Variants in CCDC181 observed in about 807,000 individuals in gnomAD.
CCDC181 encodes the protein coiled-coil domain containing 181.
A neutral mutation model predicts 58.7 loss-of-function variants in CCDC181; 35 were observed. That is an observed-to-expected ratio of 0.60 (90% confidence interval 0.46 to 0.79). CCDC181 has a LOEUF of 0.79. CCDC181 is among the 30% of genes least tolerant of loss of function. The probability of loss-of-function intolerance (pLI) is 0.00; values close to 1 mark genes in which losing one functional copy is unlikely to be tolerated. For synonymous variants in CCDC181, 183 were observed against 197.5 expected, an observed-to-expected ratio of 0.93 and a Z score of 0.62; for missense variants, 517 against 583.9, an observed-to-expected ratio of 0.89 and a Z score of 1.18.
intron 4 of CCDC181, among the ~76,000 whole-genome samples, chr1:169,414,755 CTA>C (rs1428681470): frequency 2.6e-5 from 4 of 152,184 alleles, no homozygotes; most frequent in Non-Finnish European, 5.9e-5. Flanking sequence ...TTTCTGGAAA[CTA>C]TGACTCACAT....
chr1:169,440,148 A>G (rs1386815148), intron 2 of CCDC181, among the ~76,000 whole-genome samples: 1 of 152,024 alleles, frequency 6.6e-6, no homozygotes, highest in East Asian at 1.9e-4. Context: ...TCTACCCGCT[A>G]TTTCCTTGCC....
chr1:169,445,911 A>T (rs1571515214), intron 2 of CCDC181, among the ~76,000 whole-genome samples: 1 of 152,150 alleles, frequency 6.6e-6, no homozygotes, highest in African/African-American at 2.4e-5. Flanking sequence ...CTTCTTTATT[A>T]TCCTAAAACA....
chr1:169,410,570 T>G (rs1385369879), intron 4 of CCDC181, among the ~76,000 whole-genome samples: 1 of 152,062 alleles, frequency 6.6e-6, no homozygotes, highest in African/African-American at 2.4e-5. Context: ...ACTCTCCACC[T>G]TAAATCAATA....
intron 2 of CCDC181, among the ~76,000 whole-genome samples, chr1:169,445,167 G>A (rs1185806085): frequency 6.6e-6 from 1 of 152,032 alleles, no homozygotes; most frequent in Non-Finnish European, 1.5e-5. Flanking sequence ...TTCATAGCTG[G>A]CTCCTTCCTA....
At chr1:169,424,635 C>T (rs1409425668) in intron 2 of CCDC181, among the ~76,000 whole-genome samples, 176 bp downstream of exon 2, 1 of 151,824 alleles carries the variant, frequency 6.6e-6, no homozygotes, top group African/African-American at 2.4e-5. Context: ...TAGGATACAA[C>T]ATTTAAGCAA....
At chr1:169,410,967 C>T (rs767444412) in intron 4 of CCDC181, among the ~76,000 whole-genome samples, 16 of 152,016 alleles carry the variant, frequency 1.1e-4, no homozygotes, top group Non-Finnish European at 1.5e-4. Flanking sequence ...ATTTTAACAT[C>T]GCAATTAAAA....
intron 2 of CCDC181, among the ~76,000 whole-genome samples, chr1:169,448,985 T>C (rs1160195099): frequency 6.6e-6 from 1 of 152,176 alleles, no homozygotes; most frequent in Non-Finnish European, 1.5e-5. Flanking sequence ...TTTAAGATAG[T>C]GTCTCTGATT....
chr1:169,401,552 C>T lies in CCDC181; in HGVS notation c.1216-4161G>A, dbSNP rs536100620. 1.1e-3 allele frequency among the ~76,000 whole-genome samples: 167 copies of T among 152,286 alleles called. 6 individuals carry two copies. Among genetic ancestry groups the T allele is most frequent in the Middle Eastern group, 6.8e-3 (2 of 294 alleles). On this transcript the variant is annotated intron_variant, in intron 4 of 5. Coordinates refer to ENST00000367806, the MANE Select transcript of CCDC181 (RefSeq NM_001300969.2). ...CAAGCAAACCAGGGTCTGGAGTGGA[C>T]CTCCAGCAAACTCCAATAGACCCAC... is the stretch of plus-strand genomic sequence containing the variant.
chr1:169,430,039 CA>C (rs1281934084), upstream of CCDC181, among the ~76,000 whole-genome samples: 1 of 152,104 alleles, frequency 6.6e-6, no homozygotes, highest in African/African-American at 2.4e-5. Context: ...CCAATTATCC[CA>C]GCACCATTTG....
At chr1:169,412,087 T>C (rs921263960) in intron 4 of CCDC181, among the ~76,000 whole-genome samples, 3 of 152,200 alleles carry the variant, frequency 2.0e-5, no homozygotes, top group African/African-American at 7.2e-5. Flanking sequence ...GGAAGTCAAA[T>C]TGTCTCTGTT....
At chr1:169,398,898 TAGAA>T (rs1016687959) in intron 4 of CCDC181, among the ~76,000 whole-genome samples, 3 of 152,074 alleles carry the variant, frequency 2.0e-5, no homozygotes, top group Non-Finnish European at 4.4e-5. Context: ...GGTATTTAAA[TAGAA>T]AGGGAGGAAG....
chr1:169,408,542 T>C (rs1655797252), intron 4 of CCDC181, among the ~76,000 whole-genome samples: 2 of 152,196 alleles, frequency 1.3e-5, no homozygotes. Context: ...GTGCTTGAGC[T>C]CTGCTAAGGG....
intron 2 of CCDC181, among the ~76,000 whole-genome samples, chr1:169,453,850 A>G (rs1001031312): frequency 6.6e-6 from 1 of 152,016 alleles, no homozygotes; most frequent in East Asian, 1.9e-4. Context: ...CAATAGTTTC[A>G]AGTCTATTAA....
intron 4 of CCDC181, among the ~76,000 whole-genome samples, chr1:169,408,304 C>T (rs375454992): frequency 6.6e-6 from 1 of 152,190 alleles, no homozygotes; most frequent in African/African-American, 2.4e-5. Context: ...TGGAACTGGG[C>T]AGAGCCCACC....
chr1:169,406,093 C>G (rs918589238), intron 4 of CCDC181, among the ~76,000 whole-genome samples: 4 of 152,094 alleles, frequency 2.6e-5, no homozygotes, highest in African/African-American at 9.7e-5. Context: ...AAAACCACAA[C>G]AAGATACCAT....
intron 5 of CCDC181, chr1:169,395,897 AAAC>A (rs1655002726): frequency 1.3e-5 from 2 of 150,886 alleles, no homozygotes; most frequent in African/African-American, 2.4e-5. Flanking sequence ...TTTTCAGAAT[AAAC>A]AACTAAATAA....
chr1:169,445,377 T>C lies in CCDC181; in HGVS notation c.-24+14420A>G, dbSNP rs539509672. On this transcript the variant is annotated intron_variant, in intron 2 of 6. Transcript: ENST00000545005. Reference sequence around the variant, plus strand: ...AGTATTGGGTTTTGTCAAATGCTTTTTCTACATCATTAAAATGATCACATT... The same window carrying C: ...AGTATTGGGTTTTGTCAAATGCTTTCTCTACATCATTAAAATGATCACATT... Among the ~76,000 whole-genome samples, 69 of 82,370 alleles carry C rather than the reference T, an allele frequency of 8.4e-4. 1 individual carries two copies. Among genetic ancestry groups the C allele is most frequent in the African/African-American group, 2.8e-3 (68 of 24,208 alleles). 54.0% of individuals were successfully genotyped at this position (82,370 alleles called of 152,430 possible). A position where few individuals can be genotyped will look rare whatever the true frequency, so the allele number is the denominator to read the frequency against.
chr1:169,438,834 A>G (rs1470550647), intron 2 of CCDC181, among the ~76,000 whole-genome samples: 4 of 152,146 alleles, frequency 2.6e-5, no homozygotes, highest in Non-Finnish European at 5.9e-5. Context: ...GGACTTCCAT[A>G]AGCAATTTCT....
At chr1:169,433,420 A>G (rs1205712574) in intron 2 of CCDC181, among the ~76,000 whole-genome samples, 2 of 152,008 alleles carry the variant, frequency 1.3e-5, no homozygotes, top group African/African-American at 4.8e-5. Flanking sequence ...ATCTCAGAAA[A>G]GCAGAAATAA....
Sources: gnomAD v4.1 joint callset for allele counts (sites outside exome capture counted in the v4.1 genomes callset) on GRCh38, gnomAD v4.1.1 for gene constraint, MANE v1.5 for transcripts, NCBI Gene and HGNC (gene_info 2026-07-23, HGNC 2026-07-21) for gene names.